Variants in ADK observed in about 807,000 individuals in gnomAD.
ADK encodes the protein N6,N6-dimethyladenosine kinase.
ADK carries 24 observed loss-of-function variants against 44.7 expected under a neutral mutation model. The ratio of observed to expected loss-of-function variants is 0.54; its 90% CI spans 0.39 to 0.76. The LOEUF (loss-of-function observed/expected upper bound fraction) is 0.76, where lower values mean the gene tolerates loss of function less well. Among genes scored for constraint, ADK ranks in the 30% least tolerant of loss-of-function variants. ADK has a pLI of 0.00. For synonymous variants in ADK, 128 were observed against 142.6 expected (o/e 0.90, Z 0.73); for missense variants, 321 against 425.1 (o/e 0.76, Z 2.15).
At chr10:74,570,308 A>G (rs1434225304) in intron 7 of ADK, among the ~76,000 whole-genome samples, 1 of 152,166 alleles carries the variant, frequency 6.6e-6, no homozygotes, top group Non-Finnish European at 1.5e-5. Context: ...CAATTCTGTG[A>G]AGAAAGTCAT....
At chr10:74,582,919 A>G (rs2133900358) in intron 7 of ADK, among the ~76,000 whole-genome samples, 1 of 152,302 alleles carries the variant, frequency 6.6e-6, no homozygotes, top group Non-Finnish European at 1.5e-5. Flanking sequence ...TTTGTGAATG[A>G]AATTTCTCTT....
intron 3 of ADK, among the ~76,000 whole-genome samples, chr10:74,277,489 C>T (rs566654814): frequency 1.3e-4 from 20 of 151,342 alleles, no homozygotes; most frequent in African/African-American, 3.2e-4. Flanking sequence ...CTCCCCCTCC[C>T]GGGTTCACGC....
intron 3 of ADK, among the ~76,000 whole-genome samples, chr10:74,228,848 G>A (rs1016037449): frequency 6.6e-6 from 1 of 152,094 alleles, no homozygotes; most frequent in East Asian, 1.9e-4. Context: ...AAATTCAGAA[G>A]TATCCATACT....
intron 6 of ADK, among the ~76,000 whole-genome samples, chr10:74,462,969 C>T (rs1846222607): frequency 6.6e-6 from 1 of 152,088 alleles, no homozygotes; most frequent in Non-Finnish European, 1.5e-5. Flanking sequence ...TTATGAAGGT[C>T]TCAAGCCTGT....
intron 6 of ADK, among the ~76,000 whole-genome samples, chr10:74,496,975 T>C (rs1847712189): frequency 6.6e-6 from 1 of 152,028 alleles, no homozygotes; most frequent in East Asian, 1.9e-4. Flanking sequence ...TCCTCCTCTC[T>C]CATTTTTTTT....
chr10:74,702,552 C>CTTCCTTCCTTCT lies in ADK; in HGVS notation c.965-5758_965-5757insTTTCCTTCCTTC, dbSNP rs879820902. ...CCTTCCTTCCTTCCTTCCTTCCTTC[C>CTTCCTTCCTTCT]TTCCTTCCTTCCTTCCTTCCTCTCT... On this transcript the variant is annotated intron_variant, in intron 10 of 10. Coordinates refer to ENST00000539909, the MANE Select transcript of ADK (RefSeq NM_006721.4). Among the ~76,000 whole-genome samples, 894 of 149,532 alleles carry CTTCCTTCCTTCT rather than the reference C, an allele frequency of 6.0e-3. 3 individuals carry two copies. Among genetic ancestry groups the CTTCCTTCCTTCT allele is most frequent in the Admixed American group, 0.01 (149 of 14,762 alleles).
chr10:74,539,958 C>G (rs1439585673), intron 7 of ADK, among the ~76,000 whole-genome samples: 1 of 152,106 alleles, frequency 6.6e-6, no homozygotes, highest in African/African-American at 2.4e-5. Context: ...TCAGAAAATG[C>G]AAAGGCTATT....
intron 3 of ADK, among the ~76,000 whole-genome samples, chr10:74,314,182 T>G (rs1269515168): frequency 3.3e-5 from 5 of 152,074 alleles, no homozygotes; most frequent in Non-Finnish European, 7.4e-5. Flanking sequence ...AAGTGTAAGG[T>G]CTTATAATTT....
At chr10:74,632,503 G>C (rs940283038) in intron 9 of ADK, among the ~76,000 whole-genome samples, 1 of 152,092 alleles carries the variant, frequency 6.6e-6, no homozygotes, top group African/African-American at 2.4e-5. Flanking sequence ...CTAGCTACTG[G>C]GCTCCTGGAA....
chr10:74,417,314 C>T (rs1434657037), intron 6 of ADK, among the ~76,000 whole-genome samples: 3 of 152,086 alleles, frequency 2.0e-5, no homozygotes, highest in Admixed American at 6.6e-5. Context: ...ATTAATATAA[C>T]GGAAGACTTT....
chr10:74,235,766 G>T (rs764797502), intron 3 of ADK, among the ~76,000 whole-genome samples: 1 of 152,138 alleles, frequency 6.6e-6, no homozygotes, highest in Non-Finnish European at 1.5e-5. Context: ...AACTAATGTT[G>T]AAATTTAATT....
chr10:74,655,043 C>A, intron 9 of ADK: 1 of 215,132 alleles, frequency 4.6e-6, no homozygotes, highest in South Asian at 7.1e-5. Context: ...CAGCAGGCAG[C>A]GACTGGCACC....
At chr10:74,599,096 T>C (rs1021336532) in intron 8 of ADK, among the ~76,000 whole-genome samples, 1 of 152,208 alleles carries the variant, frequency 6.6e-6, no homozygotes, top group African/African-American at 2.4e-5. Flanking sequence ...TCTCATCTTA[T>C]CAGAGTTCAG....
At position 74,199,193 on chromosome 10, in the gene ADK, C is replaced by T. The variant is rs559317637; in HGVS notation, c.66-1571C>T. On this transcript the variant is annotated intron_variant, in intron 1 of 10. Coordinates refer to ENST00000539909, the MANE Select transcript of ADK (RefSeq NM_006721.4). Reference sequence around the variant, plus strand: ...GTACTCTTCCAGGATGTGCCACGGGCTCCCTAATAACATTCAGGGGAGTGC... The same window carrying T: ...GTACTCTTCCAGGATGTGCCACGGGTTCCCTAATAACATTCAGGGGAGTGC... 2.6e-5 allele frequency among the ~76,000 whole-genome samples: 4 copies of T among 152,274 alleles called. No homozygotes were observed. The South Asian group carries it at 8.3e-4, about 32-fold the overall frequency.
At chr10:74,671,166 A>G (rs1855165371) in intron 10 of ADK, among the ~76,000 whole-genome samples, 1 of 150,822 alleles carries the variant, frequency 6.6e-6, no homozygotes, top group South Asian at 2.1e-4. Flanking sequence ...TTATTTTAAT[A>G]GTCTTTTGCC....
In ADK at chr10:74,188,620, G is replaced by A. The variant is rs141684546; in HGVS notation, c.66-12144G>A. Among the ~76,000 whole-genome samples the A allele has an allele frequency of 9.2e-4, 140 of 151,796 alleles. 1 individual carries two copies. The highest frequency in any genetic ancestry group is 3.4e-3 in the Middle Eastern group (1 of 292). On this transcript the variant is annotated intron_variant, in intron 1 of 10. Coordinates refer to ENST00000539909, the MANE Select transcript of ADK (RefSeq NM_006721.4). ...GCCTGCCTCGGCCTCTCAAAGTGCT[G>A]GTATTAGGGGCATGAGCCACTGCGC...
At chr10:74,617,362 T>C (rs1852807412) in intron 9 of ADK, among the ~76,000 whole-genome samples, 1 of 152,252 alleles carries the variant, frequency 6.6e-6, no homozygotes, top group African/African-American at 2.4e-5. Context: ...AATAGTTTGC[T>C]AAGAGTTTTT....
intron 1 of ADK, among the ~76,000 whole-genome samples, chr10:74,181,350 T>A (rs1187442808): frequency 6.6e-6 from 1 of 152,174 alleles, no homozygotes; most frequent in African/African-American, 2.4e-5. Context: ...ATTTCATCAT[T>A]TGTATTCTAT....
intron 6 of ADK, among the ~76,000 whole-genome samples, chr10:74,491,745 A>G (rs143695268): frequency 2.0e-5 from 3 of 152,298 alleles, no homozygotes; most frequent in Admixed American, 2.0e-4. Flanking sequence ...GTAACTAAGT[A>G]GATAAGTGGG....
Sources: gnomAD v4.1 joint callset for allele counts (sites outside exome capture counted in the v4.1 genomes callset) on GRCh38, gnomAD v4.1.1 for gene constraint, MANE v1.5 for transcripts, NCBI Gene and HGNC (gene_info 2026-07-23, HGNC 2026-07-21) for gene names.